Variants in SGCD observed in about 807,000 individuals in gnomAD.
SGCD encodes the protein sarcoglycan delta.
Under a neutral mutation model 36.6 loss-of-function variants are expected in SGCD, and 18 were observed. The ratio of observed to expected loss-of-function variants is 0.49; its 90% CI spans 0.34 to 0.73. The LOEUF is 0.73. Among genes scored for constraint, SGCD ranks in the 30% least tolerant of loss-of-function variants. The pLI is 0.01. For missense variants in SGCD, 387 were observed against 346.7 expected (o/e 1.12, Z -0.92); for synonymous variants, 133 against 130.6 (o/e 1.02, Z -0.12).
intron 1 of SGCD, among the ~76,000 whole-genome samples, chr5:156,019,409 AG>A (rs1262575381): frequency 6.6e-6 from 1 of 152,196 alleles, no homozygotes; most frequent in Non-Finnish European, 1.5e-5. Flanking sequence ...TGAAAAAAAA[AG>A]CCTTTCATTT....
chr5:155,920,085 G>T lies in SGCD; in HGVS notation c.-282+49661G>T, dbSNP rs910841939. The stretch of plus-strand genomic sequence containing the variant: ...TATTCTTGGACAGAGGCAATGAGTG[G>T]CATGTCCTGGCTGCCTCAGACACCC... On this transcript the variant is annotated intron_variant, in intron 1 of 9. Coordinates refer to the SGCD transcript ENST00000517913. Among the ~76,000 whole-genome samples, 3 of 152,264 alleles carry T rather than the reference G, an allele frequency of 2.0e-5. No individual in the cohort carries two copies. In the East Asian group the frequency reaches 5.8e-4, roughly 29 times the overall value.
At chr5:156,377,615 TCA>T (rs1435281896) in intron 3 of SGCD, among the ~76,000 whole-genome samples, 1 of 152,176 alleles carries the variant, frequency 6.6e-6, no homozygotes, top group East Asian at 1.9e-4. Flanking sequence ...ATGGATGTCC[TCA>T]CTGAAAATAA....
chr5:156,181,395 T>C (rs1763602310), intron 3 of SGCD, among the ~76,000 whole-genome samples: 1 of 152,198 alleles, frequency 6.6e-6, no homozygotes, highest in Admixed American at 6.5e-5. Flanking sequence ...ATTTTCAAAC[T>C]GACCCATAGA....
intron 4 of SGCD, among the ~76,000 whole-genome samples, chr5:156,524,094 CTATA>C (rs60414987): frequency 2.7e-3 from 107 of 40,360 alleles, no homozygotes; most frequent in South Asian, 6.4e-3. Flanking sequence ...TGAGGTCTTA[CTATA>C]TATATATATA....
chr5:156,631,445 G>A (rs1372257949), intron 6 of SGCD, among the ~76,000 whole-genome samples: 4 of 150,368 alleles, frequency 2.7e-5, no homozygotes, highest in Non-Finnish European at 5.9e-5. Flanking sequence ...CTGCAGATAC[G>A]GGTTTTGACA....
rs187442063 is a variant in SGCD, at chr5:156,538,817, G to T, written c.294+30115G>T. Among the ~76,000 whole-genome samples, 104 of 152,046 alleles carry T rather than the reference G, an allele frequency of 6.8e-4. 1 individual carries two copies. The highest frequency in any genetic ancestry group is 2.2e-3 in the Admixed American group (33 of 15,250). Reference sequence around the variant, plus strand: ...TGATATCTTGCCCTACCTCAATATTGCAAGTTTCACACTGTCCCTTCATCT... The same window carrying T: ...TGATATCTTGCCCTACCTCAATATTTCAAGTTTCACACTGTCCCTTCATCT... On this transcript the variant is annotated intron_variant, in intron 4 of 8. Transcript: ENST00000337851.
At chr5:155,895,809 T>C (rs1054951182) in intron 1 of SGCD, among the ~76,000 whole-genome samples, 2 of 152,174 alleles carry the variant, frequency 1.3e-5, no homozygotes, top group African/African-American at 2.4e-5. Context: ...AGGAGCACAT[T>C]GCAAGGAAGC....
chr5:156,058,036 C>A (rs1486068599), intron 1 of SGCD, among the ~76,000 whole-genome samples: 1 of 146,116 alleles, frequency 6.8e-6, no homozygotes, highest in Non-Finnish European at 1.5e-5. Context: ...ATTTACAATA[C>A]ATAATGAAAT....
the SGCD span, among the ~76,000 whole-genome samples, chr5:155,785,754 C>A: frequency 6.6e-6 from 1 of 152,078 alleles, no homozygotes; most frequent in African/African-American, 2.4e-5. Context: ...ACTTTGTCAC[C>A]AGTCTCTTTA....
chr5:155,879,377 C>T (rs139038811), intron 1 of SGCD, among the ~76,000 whole-genome samples: 51 of 152,272 alleles, frequency 3.3e-4, no homozygotes, highest in Non-Finnish European at 6.5e-4. Context: ...GTCACTGCTT[C>T]GTGGATGAGG....
chr5:156,333,959 G>C (rs1768200987), intron 2 of SGCD, among the ~76,000 whole-genome samples: 1 of 149,802 alleles, frequency 6.7e-6, no homozygotes, highest in Non-Finnish European at 1.5e-5. Context: ...GCTGACTTTG[G>C]TTTTTTTTTA....
intron 6 of SGCD, among the ~76,000 whole-genome samples, chr5:156,625,744 G>GGA (rs1226111427): frequency 6.6e-6 from 1 of 152,138 alleles, no homozygotes; most frequent in Non-Finnish European, 1.5e-5. Flanking sequence ...GATAAGCTGG[G>GGA]GATTCAGCTA....
At chr5:156,695,527 A>AGATAGATAGATAGATG in intron 7 of SGCD, among the ~76,000 whole-genome samples, 1 of 53,034 alleles carries the variant, frequency 1.9e-5, no homozygotes, top group East Asian at 5.6e-4. Context: ...ATAGATAGAT[A>AGATAGATAGATAGATG]GATAGATAGA....
intron 1 of SGCD, among the ~76,000 whole-genome samples, chr5:155,949,909 A>G (rs1394309178): frequency 6.6e-6 from 1 of 152,194 alleles, no homozygotes; most frequent in Non-Finnish European, 1.5e-5. Flanking sequence ...ATTTGGAAGC[A>G]TGTCCACATA....
At chr5:156,057,510 A>G (rs1760091734) in intron 1 of SGCD, among the ~76,000 whole-genome samples, 1 of 146,656 alleles carries the variant, frequency 6.8e-6, no homozygotes, top group South Asian at 2.1e-4. Flanking sequence ...TTTATTTGGG[A>G]ACAAAACAAA....
intron 7 of SGCD, among the ~76,000 whole-genome samples, chr5:156,736,023 C>T (rs1756343035): frequency 1.3e-5 from 2 of 152,088 alleles, no homozygotes; most frequent in South Asian, 4.1e-4. Context: ...CAATCACTCG[C>T]TGCTTACCTT....
At chr5:156,620,364 A>C (rs1469686326) in intron 6 of SGCD, among the ~76,000 whole-genome samples, 2 of 152,246 alleles carry the variant, frequency 1.3e-5, no homozygotes, top group Non-Finnish European at 2.9e-5. Flanking sequence ...CGTAGAACAA[A>C]AGTTCCTCTT....
At chr5:155,924,855 T>C (rs1449145168) in intron 1 of SGCD, among the ~76,000 whole-genome samples, 1 of 152,236 alleles carries the variant, frequency 6.6e-6, no homozygotes, top group African/African-American at 2.4e-5. Context: ...GGGAGGTTTG[T>C]AAAATGCTGT....
At chr5:156,071,845 T>G (rs1286903695) in intron 1 of SGCD, among the ~76,000 whole-genome samples, 1 of 152,224 alleles carries the variant, frequency 6.6e-6, no homozygotes, top group African/African-American at 2.4e-5. Context: ...TTTAGATAGT[T>G]AGCTCTTCTT....
Sources: gnomAD v4.1 joint callset for allele counts (sites outside exome capture counted in the v4.1 genomes callset) on GRCh38, gnomAD v4.1.1 for gene constraint, MANE v1.5 for transcripts, NCBI Gene and HGNC (gene_info 2026-07-23, HGNC 2026-07-21) for gene names.